TMEM74: variants seen among roughly 807,000 people sequenced by gnomAD.
TMEM74 encodes the protein transmembrane protein 74.
Under a neutral mutation model 18.1 loss-of-function variants are expected in TMEM74, and 13 were observed. The observed-to-expected ratio is 0.72, with a 90% CI of 0.47 to 1.14. The LOEUF (loss-of-function observed/expected upper bound fraction) is 1.14. Ranked by LOEUF, TMEM74 falls within the 50% of genes most tolerant of loss-of-function variation. The pLI is 0.00. For missense variants in TMEM74, 372 were observed against 375.9 expected (o/e 0.99, Z 0.09); for synonymous variants, 159 against 146.6 (o/e 1.08, Z -0.61).
chr8:108,732,884 T>A (rs1813710040), intron 1 of TMEM74, among the ~76,000 whole-genome samples: 1 of 151,422 alleles, frequency 6.6e-6, no homozygotes, highest in African/African-American at 2.4e-5. Flanking sequence ...CTAAAAAAAA[T>A]GCAAATACTT....
chr8:108,714,108 A>G (rs1193478693), intron 1 of TMEM74, among the ~76,000 whole-genome samples: 4 of 152,094 alleles, frequency 2.6e-5, no homozygotes, highest in Non-Finnish European at 5.9e-5. Context: ...GTCCCCTCAG[A>G]CTCACATGCT....
At chr8:108,647,568 C>CTA (rs1812732589) in intron 2 of TMEM74, among the ~76,000 whole-genome samples, 1 of 151,912 alleles carries the variant, frequency 6.6e-6, no homozygotes, top group Non-Finnish European at 1.5e-5. Flanking sequence ...GTAAAGAAAT[C>CTA]TATTTTTAAA....
chr8:108,662,636 C>T (rs1812911779), intron 1 of TMEM74, among the ~76,000 whole-genome samples: 1 of 152,056 alleles, frequency 6.6e-6, no homozygotes, highest in African/African-American at 2.4e-5. Flanking sequence ...TAGTGGTAAG[C>T]AGTGATGAGA....
chr8:108,643,257 A>C (rs913635313), intron 2 of TMEM74, among the ~76,000 whole-genome samples: 1 of 152,178 alleles, frequency 6.6e-6, no homozygotes, highest in Non-Finnish European at 1.5e-5. Flanking sequence ...GATTCAGTGC[A>C]TCTGGGATGT....
At chr8:108,729,416 G>A (rs918887854) in intron 1 of TMEM74, among the ~76,000 whole-genome samples, 1 of 152,190 alleles carries the variant, frequency 6.6e-6, no homozygotes, top group Non-Finnish European at 1.5e-5. Flanking sequence ...GATTTTCCCA[G>A]TGTATAAGAG....
intron 2 of TMEM74, among the ~76,000 whole-genome samples, chr8:108,636,511 C>G (rs2130557633): frequency 6.6e-6 from 1 of 152,204 alleles, no homozygotes; most frequent in East Asian, 1.9e-4. Flanking sequence ...TTGGAATCAG[C>G]TTTAATTCAA....
chr8:108,743,048 AT>A (rs1813817307), intron 1 of TMEM74, among the ~76,000 whole-genome samples: 1 of 152,198 alleles, frequency 6.6e-6, no homozygotes. Flanking sequence ...CGATAGTTTT[AT>A]GCATTGCAAC....
rs1235634373 is a variant in TMEM74, at chr8:108,784,785, T to C, written c.314A>G (p.Gln105Arg). The change falls in exon 2 of 2, where the codon CAG becomes CGG. Residue 105 changes from glutamine (Q) to arginine (R), a missense_variant. Gln to Arg is a conservative substitution (Grantham distance 43). Coordinates refer to ENST00000297459, the MANE Select transcript of TMEM74 (RefSeq NM_153015.3). ...AERKVCNCCS[Q>R]ELETSFTYVD... is the part of the protein sequence containing the mutation. ...ATAGGTAAAAGAAGTTTCTAATTCC[T>C]GGCTGCAGCAGTTACAGACTTTCCG... The C allele has an allele frequency of 1.2e-6, 2 of 1,614,240 alleles. No homozygotes were observed. Among genetic ancestry groups the C allele is most frequent in the East Asian group, 4.5e-5 (2 of 44,884 alleles).
rs539564561 is a variant in TMEM74, at chr8:108,729,415, A to C, written n.119+58061T>G. The stretch of plus-strand genomic sequence containing the variant: ...CTGGCTCATGTGTTTAGATTTTCCC[A>C]GTGTATAAGAGATAATCCAGCATAA... On this transcript the variant is annotated intron_variant and non_coding_transcript_variant, in intron 1 of 3. Coordinates refer to the TMEM74 transcript ENST00000518838. Among the ~76,000 whole-genome samples, 6 of 152,350 alleles carry C rather than the reference A, an allele frequency of 3.9e-5. No individual in the cohort carries two copies. In the South Asian group the frequency reaches 1.2e-3, roughly 32 times the overall value.
At chr8:108,630,400 G>A (rs544342615) in intron 2 of TMEM74, among the ~76,000 whole-genome samples, 2 of 152,034 alleles carry the variant, frequency 1.3e-5, no homozygotes, top group Admixed American at 6.6e-5. Flanking sequence ...ACACCCCAAT[G>A]TCAATATTAG....
chr8:108,767,458 T>C (rs893349972), intron 1 of TMEM74, among the ~76,000 whole-genome samples: 2 of 152,194 alleles, frequency 1.3e-5, no homozygotes, highest in Non-Finnish European at 2.9e-5. Flanking sequence ...AGCTTTTAAA[T>C]AGGGTCAATA....
chr8:108,614,662 G>A (rs1812366597), intron 2 of TMEM74, among the ~76,000 whole-genome samples: 1 of 152,088 alleles, frequency 6.6e-6, no homozygotes, highest in Admixed American at 6.6e-5. Flanking sequence ...AGCTGTGGGG[G>A]GTTTTGTGAG....
chr8:108,654,278 A>G (rs1440422125), intron 2 of TMEM74, among the ~76,000 whole-genome samples: 1 of 152,184 alleles, frequency 6.6e-6, no homozygotes, highest in African/African-American at 2.4e-5. Context: ...GCTACTTACT[A>G]GCTGGATAAC....
chr8:108,612,758 A>G (rs1812345907), intron 2 of TMEM74, among the ~76,000 whole-genome samples: 1 of 152,196 alleles, frequency 6.6e-6, no homozygotes, highest in African/African-American at 2.4e-5. Context: ...GTGTTTTGTG[A>G]GGTTTTTATG....
chr8:108,744,572 A>C (rs997057612), intron 1 of TMEM74, among the ~76,000 whole-genome samples: 3 of 152,198 alleles, frequency 2.0e-5, no homozygotes, highest in Admixed American at 6.5e-5. Context: ...ATTTTACGTA[A>C]GAGAAGGTGA....
Position 108,612,136 on chromosome 8 carries a change from G to A in TMEM74, n.265-3310C>T, listed in dbSNP as rs1483101367. ...CCCTTCCACGACATTTGGGGATTAT[G>A]GGAGCTACAATTCAAGATGAGATTT... On this transcript the variant is annotated intron_variant and non_coding_transcript_variant, in intron 2 of 3. Coordinates refer to the TMEM74 transcript ENST00000518838. Among the ~76,000 whole-genome samples the A allele has an allele frequency of 2.0e-5, 3 of 152,028 alleles. No homozygotes were observed. The East Asian group carries it at 5.8e-4, about 29-fold the overall frequency.
At chr8:108,673,126 G>T (rs185534427) in intron 1 of TMEM74, among the ~76,000 whole-genome samples, 2 of 152,150 alleles carry the variant, frequency 1.3e-5, no homozygotes, top group African/African-American at 4.8e-5. Flanking sequence ...TTCATGAAAA[G>T]AATGCCCAAG....
At chr8:108,733,290 A>T (rs550659691) in intron 1 of TMEM74, among the ~76,000 whole-genome samples, 1 of 152,320 alleles carries the variant, frequency 6.6e-6, no homozygotes, top group South Asian at 2.1e-4. Context: ...ATAAACTGTG[A>T]TATCCTCATG....
rs570975014 is a variant in TMEM74, at chr8:108,624,846, G to A, written n.265-16020C>T. ...AACGTGCTGAATGAAATTATTCACTGTTCCTTCTTATTTCATTACCCCTCA... is the reference window on the plus strand; with the variant it reads ...AACGTGCTGAATGAAATTATTCACTATTCCTTCTTATTTCATTACCCCTCA... On this transcript the variant is annotated intron_variant and non_coding_transcript_variant, in intron 2 of 3. Transcript: ENST00000518838. Among the ~76,000 whole-genome samples the A allele has an allele frequency of 3.3e-5, 5 of 151,884 alleles. No homozygotes were observed. In the East Asian group the frequency reaches 5.8e-4, roughly 18 times the overall value.
Sources: allele counts gnomAD v4.1 joint callset (sites outside exome capture counted in the v4.1 genomes callset), GRCh38; gene constraint gnomAD v4.1.1; transcripts MANE v1.5; gene names NCBI Gene and HGNC (gene_info 2026-07-23, HGNC 2026-07-21).